DLG2: variants seen among roughly 807,000 people sequenced by gnomAD.
DLG2 encodes disks large homolog 2.
In DLG2, 45 loss-of-function variants were observed where a neutral mutation model predicts 132.5. The observed-to-expected ratio is 0.34, with a 90% CI of 0.27 to 0.44. The LOEUF is 0.44. DLG2 is among the 20% of genes least tolerant of loss of function. DLG2 has a pLI of 1.00. For synonymous variants in DLG2, 424 were observed against 419.6 expected, an observed-to-expected ratio of 1.01 and a Z score of -0.13; for missense variants, 1,045 against 1,196.9, an observed-to-expected ratio of 0.87 and a Z score of 1.87.
At chr11:85,014,165 C>T (rs1004394376) in intron 6 of DLG2, among the ~76,000 whole-genome samples, 1 of 152,156 alleles carries the variant, frequency 6.6e-6, no homozygotes, top group Non-Finnish European at 1.5e-5. Flanking sequence ...TGGCTTCACT[C>T]AAATCCAGCT....
At chr11:84,055,827 G>C (rs1237642388) in intron 11 of DLG2, among the ~76,000 whole-genome samples, 1 of 152,040 alleles carries the variant, frequency 6.6e-6, no homozygotes, top group Non-Finnish European at 1.5e-5. Context: ...ATCTCCTTGA[G>C]AGCAAGAACT....
At chr11:83,763,376 T>C (rs2093998004) in intron 18 of DLG2, among the ~76,000 whole-genome samples, 1 of 152,214 alleles carries the variant, frequency 6.6e-6, no homozygotes, top group Non-Finnish European at 1.5e-5. Flanking sequence ...TTTCTTTATG[T>C]CCATGCATTC....
rs1474356341 is a variant in DLG2 at position 83,980,508 on chromosome 11, T to C, written c.1054A>G (p.Met352Val). Residue 352 changes from methionine (M) to valine (V), a missense_variant and splice_region_variant, in exon 12 of 28, where the codon ATG becomes GTG. Around this residue, in one of 4 missense-constraint regions of DLG2, gnomAD observed 261 missense variants for 256.1 expected, o/e 1.02. Coordinates refer to ENST00000376104, the MANE Select transcript of DLG2 (RefSeq NM_001142699.3). ...GRLQVGDRLL[M>V]VNNYSLEEVT... ...AGTTTTGCTGGAGTCACACTCACCA[T>C]TAGTAGTCTATCTCCTACTTGCAAC... 1.2e-6 allele frequency: 2 copies of C among 1,612,788 alleles called. No individual in the cohort carries two copies.
chr11:83,489,457 T>C (rs1311137683), intron 21 of DLG2, among the ~76,000 whole-genome samples: 1 of 151,980 alleles, frequency 6.6e-6, no homozygotes, highest in Non-Finnish European at 1.5e-5. Context: ...TTCATTTTGA[T>C]CTTGATTCAA....
rs188582093 is a variant in DLG2 at position 84,755,834 on chromosome 11, A to C, written c.358-221103T>G. Among the ~76,000 whole-genome samples, 461 of 152,350 alleles carry C rather than the reference A, an allele frequency of 3.0e-3. 3 individuals carry two copies. Among genetic ancestry groups the C allele is most frequent in the Non-Finnish European group, 4.4e-3 (297 of 68,040 alleles). ...TTCAATATATGCTAGGGTGAAAATA[A>C]AGGTCACTTTTAGTGTGAGAATTAG... is the stretch of plus-strand genomic sequence containing the variant. On this transcript the variant is annotated intron_variant, in intron 6 of 27. Coordinates refer to ENST00000376104, the MANE Select transcript of DLG2 (RefSeq NM_001142699.3).
chr11:83,910,797 C>T (rs1159927096), intron 15 of DLG2, among the ~76,000 whole-genome samples: 4 of 152,132 alleles, frequency 2.6e-5, no homozygotes, highest in South Asian at 2.1e-4. Context: ...CTTCATGCCC[C>T]GACAGCTATC....
At chr11:84,472,749 T>C (rs1030405508) in intron 7 of DLG2, among the ~76,000 whole-genome samples, 1 of 151,928 alleles carries the variant, frequency 6.6e-6, no homozygotes, top group Admixed American at 6.6e-5. Context: ...AAGGGCAGGT[T>C]GTGAGAATAT....
chr11:84,533,926 A>G (rs1347486227), intron 7 of DLG2, among the ~76,000 whole-genome samples: 3 of 146,902 alleles, frequency 2.0e-5, no homozygotes, highest in Non-Finnish European at 3.0e-5. Context: ...AAAAAAAAAA[A>G]AAAAAAAAAA....
intron 3 of DLG2, among the ~76,000 whole-genome samples, chr11:85,513,283 T>A (rs1483941699): frequency 6.6e-6 from 1 of 151,764 alleles, no homozygotes; most frequent in African/African-American, 2.4e-5. Flanking sequence ...AGCCCAAACC[T>A]CAACGTCATA....
chr11:84,046,873 T>C (rs1416976779), intron 11 of DLG2, among the ~76,000 whole-genome samples: 2 of 151,660 alleles, frequency 1.3e-5, no homozygotes, highest in Admixed American at 6.6e-5. Context: ...AGTATCTATC[T>C]ACAATTGAGT....
intron 9 of DLG2, among the ~76,000 whole-genome samples, chr11:84,162,074 C>T (rs765597836): frequency 6.6e-5 from 10 of 152,026 alleles, no homozygotes; most frequent in African/African-American, 1.2e-4. Flanking sequence ...AAACTAAAAA[C>T]GAGATATAAA....
At chr11:85,339,893 C>T (rs983476985) in intron 3 of DLG2, among the ~76,000 whole-genome samples, 1 of 152,162 alleles carries the variant, frequency 6.6e-6, no homozygotes, top group Admixed American at 6.5e-5. Context: ...AAAAAATGCT[C>T]ATCATCACTG....
intron 6 of DLG2, among the ~76,000 whole-genome samples, chr11:85,056,698 T>C (rs2063498166): frequency 1.3e-5 from 2 of 151,738 alleles, no homozygotes; most frequent in African/African-American, 4.8e-5. Flanking sequence ...CACCAAAACA[T>C]ACAATAATCA....
intron 21 of DLG2, among the ~76,000 whole-genome samples, chr11:83,514,702 C>A (rs2095219812): frequency 6.6e-6 from 1 of 152,058 alleles, no homozygotes; most frequent in South Asian, 2.1e-4. Flanking sequence ...GAGATACGGC[C>A]CATCAATACC....
At chr11:84,001,369 T>C (rs1391606720) in intron 11 of DLG2, among the ~76,000 whole-genome samples, 3 of 148,040 alleles carry the variant, frequency 2.0e-5, no homozygotes, top group Non-Finnish European at 4.5e-5. Context: ...AATTATATAA[T>C]GATAATAGGG....
rs2078200757 is a variant in DLG2, at chr11:85,281,200, G to A, written c.186+4020C>T. 1.3e-5 allele frequency among the ~76,000 whole-genome samples: 2 copies of A among 152,010 alleles called. 1 individual carries two copies. Among genetic ancestry groups the A allele is most frequent in the South Asian group, 4.1e-4 (2 of 4,834 alleles). On this transcript the variant is annotated intron_variant, in intron 4 of 27. Transcript: ENST00000376104. ...AAACTTGTATTTAAGATCTTCCCAA[G>A]CTGAATGCAAACAAGTCGATGTCAC...
chr11:84,375,410 G>T (rs999563565), intron 7 of DLG2, among the ~76,000 whole-genome samples: 1 of 152,038 alleles, frequency 6.6e-6, no homozygotes, highest in African/African-American at 2.4e-5. Context: ...AACTGACAAT[G>T]CTGCTGAGTC....
chr11:84,547,268 T>A (rs1028167491), intron 6 of DLG2, among the ~76,000 whole-genome samples: 2 of 152,004 alleles, frequency 1.3e-5, no homozygotes, highest in Non-Finnish European at 2.9e-5. Flanking sequence ...AAAGGAAAAA[T>A]TTTTGCCTTT....
chr11:84,787,949 A>AG (rs2073188472), intron 6 of DLG2, among the ~76,000 whole-genome samples: 2 of 151,092 alleles, frequency 1.3e-5, no homozygotes, highest in Admixed American at 1.3e-4. Context: ...CAAAAAAAAA[A>AG]AAATTAGCTG....
Sources: allele counts gnomAD v4.1 joint callset (sites outside exome capture counted in the v4.1 genomes callset), GRCh38; gene constraint gnomAD v4.1.1; regional missense constraint gnomAD v4.1.1; transcripts MANE v1.5; gene names NCBI Gene and HGNC (gene_info 2026-07-23, HGNC 2026-07-21).